SLFN11: variants seen among roughly 807,000 people sequenced by gnomAD.
SLFN11 encodes the protein schlafen family member 11.
In SLFN11, 43 loss-of-function variants were observed where a neutral mutation model predicts 53.4. The observed-to-expected ratio is 0.80, with a 90% confidence interval of 0.63 to 1.04. The LOEUF (loss-of-function observed/expected upper bound fraction) is 1.04. Among genes scored for constraint, SLFN11 ranks in the 50% least tolerant of loss-of-function variants. SLFN11 has a pLI of 0.00. For synonymous variants in SLFN11, 389 were observed against 394.7 expected (o/e 0.99, Z 0.17); for missense variants, 990 against 1,079.1 (o/e 0.92, Z 1.16).
At chr17:35,370,466 C>A (rs1347622780) in intron 1 of SLFN11, among the ~76,000 whole-genome samples, 1 of 151,836 alleles carries the variant, frequency 6.6e-6, no homozygotes, top group East Asian at 1.9e-4. Context: ...ACATAGAAAT[C>A]CTAGCTAGAG....
At chr17:35,361,223 T>C (rs1207365132) in intron 4 of SLFN11, among the ~76,000 whole-genome samples, 1 of 151,984 alleles carries the variant, frequency 6.6e-6, no homozygotes, top group East Asian at 1.9e-4. Flanking sequence ...ATGGGGTAAA[T>C]ATAGAAACAT....
At position 35,352,709 on chromosome 17, in the gene SLFN11, C is replaced by T; in HGVS notation, c.2353G>A (p.Val785Met). 1 of 1,614,208 alleles carries T rather than the reference C, an allele frequency of 6.2e-7. No individual in the cohort carries two copies. Among genetic ancestry groups the T allele is most frequent in the Non-Finnish European group, 8.5e-7 (1 of 1,180,036 alleles). Residue 785 changes from valine (V) to methionine (M), a missense_variant, in exon 7 of 7, where the codon GTG (valine) becomes ATG (methionine). Around this residue, in one of 3 missense-constraint regions of SLFN11, gnomAD observed 313 missense variants for 320.9 expected, o/e 0.98. Coordinates refer to ENST00000685675, the MANE Select transcript of SLFN11 (RefSeq NM_001376007.1). Reference sequence around the variant, plus strand: ...GCCACACAGGTCATTATTTGCTCCACAGTCAAGTATTTCTTAATTCGTAAG... The same window carrying T: ...GCCACACAGGTCATTATTTGCTCCATAGTCAAGTATTTCTTAATTCGTAAG... The part of the protein sequence containing the change: ...GTLRIKKYLT[V>M]EQIMTCVADT...
intron 5 of SLFN11, among the ~76,000 whole-genome samples, chr17:35,358,602 T>C (rs982802781): frequency 8.6e-5 from 13 of 151,934 alleles, no homozygotes; most frequent in Admixed American, 6.6e-4. Flanking sequence ...TTGAGGACCT[T>C]TAAAAAACAA....
intron 5 of SLFN11, among the ~76,000 whole-genome samples, chr17:35,359,716 T>C (rs193163588): frequency 1.1e-3 from 166 of 152,290 alleles, no homozygotes; most frequent in African/African-American, 3.8e-3. Context: ...TTGACCTAGA[T>C]TTATATTGTT....
intron 3 of SLFN11, 55 bp from the exon 4 acceptor site, chr17:35,363,881 T>C (rs1908609328): frequency 7.3e-7 from 1 of 1,367,196 alleles, no homozygotes; most frequent in Admixed American, 2.4e-5. Flanking sequence ...AAAAGGGTAT[T>C]TATTTTGTGT....
In SLFN11 at chr17:35,363,132, A is replaced by G. The variant is rs754029463; in HGVS notation, c.676T>C (p.Tyr226His). 6.2e-7 allele frequency: 1 copy of G among 1,613,698 alleles called. No homozygotes were observed. Among genetic ancestry groups the G allele is most frequent in the South Asian group, 1.1e-5 (1 of 91,034 alleles). The change falls in exon 4 of 7, where the codon TAT (tyrosine) becomes CAT (histidine). Residue 226 changes from tyrosine to histidine, a missense_variant. This residue lies in a region of SLFN11 where 521 missense variants were observed against 516.2 expected (regional missense o/e 1.01). Transcript: ENST00000685675. ...KQFSTKHFQE[Y>H]VKRTIPEYVP... is the part of the protein sequence containing the mutation. The stretch of plus-strand genomic sequence containing the variant: ...TATTCTGGAATTGTCCTTTTTACAT[A>G]TTCTTGGAAGTGTTTTGTAGAGAAC...
rs572764461 is a variant in SLFN11 at position 35,362,714 on chromosome 17, G to A, written c.1069+25C>T. ...GTCCCAAGGATGTAGAAAGGACAGG[G>A]AGGGAGGAGCTTTCTCCCTCTTACC... On this transcript the variant is annotated intron_variant, in intron 4 of 6. Coordinates refer to ENST00000685675, the MANE Select transcript of SLFN11 (RefSeq NM_001376007.1). 2.2e-5 allele frequency: 34 copies of A among 1,513,376 alleles called. No individual in the cohort carries two copies. In the East Asian group the frequency reaches 5.0e-4, roughly 22 times the overall value. 93.7% of individuals were successfully genotyped at this position (1,513,376 alleles called of 1,614,324 possible).
At chr17:35,356,527 C>T (rs1346568624) in intron 5 of SLFN11, among the ~76,000 whole-genome samples, 2 of 152,048 alleles carry the variant, frequency 1.3e-5, no homozygotes, top group African/African-American at 4.8e-5. Flanking sequence ...AACAAATATT[C>T]TGCCCTTTCT....
In SLFN11 at chr17:35,350,844, G is replaced by A. The variant is rs1394287896; in HGVS notation, c.*1512C>T. The A allele has an allele frequency of 6.6e-6, 1 of 152,168 alleles. No homozygotes were observed. Among genetic ancestry groups the A allele is most frequent in the Admixed American group, 6.5e-5 (1 of 15,276 alleles). The allele number at this position is 152,168 out of a possible 1,614,324, so 9.4% of individuals were successfully genotyped here. ...ATCAGTAGAGTAAGATTACCAATAA[G>A]TGAAATATTGGTCATATGATTTCTT... On this transcript the variant is annotated 3_prime_UTR_variant, in exon 7 of 7. Coordinates refer to ENST00000685675, the MANE Select transcript of SLFN11 (RefSeq NM_001376007.1).
intron 5 of SLFN11, among the ~76,000 whole-genome samples, chr17:35,358,333 G>A (rs1467558565): frequency 6.6e-6 from 1 of 151,516 alleles, no homozygotes; most frequent in African/African-American, 2.4e-5. Context: ...ACTGTTTACA[G>A]TAGTTTTCTT....
intron 5 of SLFN11, 117 bp from the exon 6 acceptor site, chr17:35,354,176 T>G (rs1907175034): frequency 3.8e-6 from 3 of 792,362 alleles, no homozygotes; most frequent in Non-Finnish European, 5.2e-6. Flanking sequence ...TTTCAAATAC[T>G]ATTTTATAAA....
At chr17:35,354,527 C>A (rs1024476091) in intron 5 of SLFN11, among the ~76,000 whole-genome samples, 1 of 152,236 alleles carries the variant, frequency 6.6e-6, no homozygotes, top group East Asian at 1.9e-4. Context: ...TCATTAACTC[C>A]ATAGTTGCAG....
chr17:35,356,077 C>T (rs1907428738), intron 5 of SLFN11, among the ~76,000 whole-genome samples: 1 of 151,704 alleles, frequency 6.6e-6, no homozygotes, highest in African/African-American at 2.4e-5. Context: ...TGATTCTGAC[C>T]TACTACACCA....
chr17:35,352,097 G>C lies in SLFN11; in HGVS notation c.*259C>G. ...AAAATGCAAGACACAGATCGGCATT[G>C]TGCAGGACAGCTAAAGTTCCTTTAG... On this transcript the variant is annotated 3_prime_UTR_variant, in exon 7 of 7. Transcript: ENST00000685675. 1.8e-6 allele frequency: 1 copy of C among 550,098 alleles called. No individual in the cohort carries two copies. Among genetic ancestry groups the C allele is most frequent in the South Asian group, 2.5e-5 (1 of 40,674 alleles). The allele number at this position is 550,098 out of a possible 1,614,324, so 34.1% of individuals were successfully genotyped here.
chr17:35,367,529 C>T (rs1909102879), intron 2 of SLFN11, 74 bp downstream of exon 2: 1 of 152,122 alleles, frequency 6.6e-6, no homozygotes, highest in African/African-American at 2.4e-5. Context: ...AAAAGAAACT[C>T]AGTACACTTA....
chr17:35,361,947 A>G (rs1435825096), intron 4 of SLFN11, among the ~76,000 whole-genome samples: 1 of 151,634 alleles, frequency 6.6e-6, no homozygotes, highest in Non-Finnish European at 1.5e-5. Flanking sequence ...GTTTCACCAT[A>G]TTGGTCTTGA....
chr17:35,363,906 G>A (rs1167673390), intron 3 of SLFN11, 80 bp from the exon 4 acceptor site: 2 of 1,159,140 alleles, frequency 1.7e-6, no homozygotes, highest in Admixed American at 5.8e-5. Context: ...TATGTGCTGA[G>A]AGAAGACAAT....
intron 3 of SLFN11, among the ~76,000 whole-genome samples, chr17:35,365,984 G>A (rs545470657): frequency 1.6e-4 from 24 of 152,206 alleles, no homozygotes; most frequent in South Asian, 6.2e-4. Context: ...AAGTTCAGAA[G>A]AAAAAGCACC....
chr17:35,363,470 C>G lies in SLFN11; in HGVS notation c.338G>C (p.Gly113Ala), dbSNP rs898941876. The G allele has an allele frequency of 1.2e-6, 2 of 1,613,824 alleles. No individual in the cohort carries two copies. Among genetic ancestry groups the G allele is most frequent in the African/African-American group, 2.7e-5 (2 of 74,886 alleles). ...GACAGAGCGATCTTCAGGGAAAGGG[C>G]CACTGCTCCAAGATTTAACAAAAAT... is the stretch of plus-strand genomic sequence containing the variant. ...FYIFVKSWSS[G>A]PFPEDRSVKP... Residue 113 changes from glycine to alanine, a missense_variant, in exon 4 of 7, where the codon GGC (glycine) becomes GCC (alanine). Physicochemically the swap from Gly to Ala is moderately conservative, Grantham distance 60 (BLOSUM62 0). Transcript: ENST00000685675.
Sources: gnomAD v4.1 joint callset for allele counts (sites outside exome capture counted in the v4.1 genomes callset) on GRCh38, gnomAD v4.1.1 for gene constraint, gnomAD v4.1.1 regional missense constraint, MANE v1.5 for transcripts, NCBI Gene and HGNC (gene_info 2026-07-23, HGNC 2026-07-21) for gene names.